Variants in ZNF385D observed in about 807,000 individuals in gnomAD.
ZNF385D encodes zinc finger protein 385D.
ZNF385D carries 15 observed loss-of-function variants against 35.8 expected under a neutral mutation model. The ratio of observed to expected loss-of-function variants is 0.42; its 90% confidence interval spans 0.28 to 0.64. ZNF385D has a LOEUF of 0.64. Ranked by LOEUF, ZNF385D falls within the 30% of genes least tolerant of loss-of-function variation. The pLI, the probability that ZNF385D is intolerant of heterozygous loss-of-function variation, is 0.23. For missense variants in ZNF385D, 474 were observed against 494.6 expected (o/e 0.96, Z 0.39); for synonymous variants, 212 against 186.8 (o/e 1.13, Z -1.10).
intron 2 of ZNF385D, among the ~76,000 whole-genome samples, chr3:22,178,897 A>G (rs1695023465): frequency 1.3e-5 from 2 of 152,044 alleles, no homozygotes; most frequent in African/African-American, 4.8e-5. Flanking sequence ...ATAGTTGTAG[A>G]TATGTGGCAT....
At chr3:21,778,925 T>TG (rs1462142285) in intron 3 of ZNF385D, among the ~76,000 whole-genome samples, 1 of 151,974 alleles carries the variant, frequency 6.6e-6, no homozygotes, top group Non-Finnish European at 1.5e-5. Context: ...TTAATATCCC[T>TG]GCTTTTCTAA....
At chr3:21,648,318 G>T (rs192115226) in intron 2 of ZNF385D, among the ~76,000 whole-genome samples, 1 of 151,988 alleles carries the variant, frequency 6.6e-6, no homozygotes, top group Non-Finnish European at 1.5e-5. Flanking sequence ...CTTCCTCTTC[G>T]CCTTCTGCCA....
At chr3:21,439,828 G>A (rs1025822461) in intron 4 of ZNF385D, among the ~76,000 whole-genome samples, 2 of 151,950 alleles carry the variant, frequency 1.3e-5, no homozygotes, top group Non-Finnish European at 2.9e-5. Flanking sequence ...ATTTCTTAAG[G>A]CAAGTTCCTT....
intron 2 of ZNF385D, among the ~76,000 whole-genome samples, chr3:21,609,538 A>G (rs1025362855): frequency 4.6e-5 from 7 of 152,194 alleles, no homozygotes; most frequent in South Asian, 2.1e-4. Context: ...TATTTTGACT[A>G]CTTAACAAAC....
intron 2 of ZNF385D, among the ~76,000 whole-genome samples, chr3:22,317,091 A>T (rs1054624063): frequency 1.1e-4 from 16 of 151,946 alleles, no homozygotes; most frequent in African/African-American, 3.6e-4. Flanking sequence ...CAGCCTGACC[A>T]ACATGGAGAA....
intron 3 of ZNF385D, among the ~76,000 whole-genome samples, chr3:22,114,212 G>A (rs181251591): frequency 1.7e-3 from 262 of 151,924 alleles, no homozygotes; most frequent in African/African-American, 6.0e-3. Flanking sequence ...CTTACTTCTC[G>A]CTGTTAAACA....
intron 3 of ZNF385D, among the ~76,000 whole-genome samples, chr3:22,144,349 A>C (rs570260078): frequency 7.2e-5 from 11 of 152,190 alleles, no homozygotes; most frequent in South Asian, 2.1e-4. Context: ...CAAGGGTGGC[A>C]GATCACTTGA....
At chr3:21,468,201 G>T (rs1169481338) in intron 4 of ZNF385D, among the ~76,000 whole-genome samples, 3 of 151,710 alleles carry the variant, frequency 2.0e-5, no homozygotes, top group Admixed American at 1.3e-4. Flanking sequence ...TCAGAAGTTT[G>T]AGATGAGCCT....
At chr3:22,219,947 G>T (rs1030119753) in intron 2 of ZNF385D, among the ~76,000 whole-genome samples, 1 of 151,824 alleles carries the variant, frequency 6.6e-6, no homozygotes, top group African/African-American at 2.4e-5. Flanking sequence ...TCAACAAAAT[G>T]GGTTCATTTT....
At chr3:21,802,458 G>C (rs1293127968) in intron 3 of ZNF385D, among the ~76,000 whole-genome samples, 2 of 152,130 alleles carry the variant, frequency 1.3e-5, no homozygotes, top group Non-Finnish European at 2.9e-5. Flanking sequence ...AAAGCACTGT[G>C]TAAGTAACAG....
At chr3:22,015,080 G>T (rs1696802955) in intron 3 of ZNF385D, among the ~76,000 whole-genome samples, 1 of 152,034 alleles carries the variant, frequency 6.6e-6, no homozygotes, top group South Asian at 2.1e-4. Flanking sequence ...GTGGCCATAG[G>T]ATGGGACTCC....
At chr3:21,426,340 A>G (rs1701025575) in intron 5 of ZNF385D, among the ~76,000 whole-genome samples, 1 of 152,188 alleles carries the variant, frequency 6.6e-6, no homozygotes, top group Admixed American at 6.5e-5. Flanking sequence ...TAACCCAAGC[A>G]TATACACGAT....
intron 3 of ZNF385D, among the ~76,000 whole-genome samples, chr3:21,838,666 A>G (rs1179958389): frequency 2.6e-5 from 4 of 152,086 alleles, no homozygotes; most frequent in Admixed American, 2.0e-4. Flanking sequence ...TTATCCATCT[A>G]TGATGCTCAA....
Position 21,421,037 on chromosome 3 carries a change from C to CT in ZNF385D, c.*176dup. 3 of 269,182 alleles carry CT rather than the reference C, an allele frequency of 1.1e-5. No individual in the cohort carries two copies. The highest frequency in any genetic ancestry group is 2.3e-5 in the Non-Finnish European group (3 of 132,406). The allele number at this position is 269,182 out of a possible 1,614,324, so 16.7% of individuals were successfully genotyped here. A position where few individuals can be genotyped will look rare whatever the true frequency, so the allele number is the denominator to read the frequency against. On this transcript the variant is annotated 3_prime_UTR_variant, in exon 8 of 8. Coordinates refer to ENST00000281523, the MANE Select transcript of ZNF385D (RefSeq NM_024697.3). ...TTTAATTTGGAGAAAATACCACTCC[C>CT]TCCCTCCCACCCCCAAACCTCCCCC...
chr3:21,446,595 G>A (rs1702167709), intron 4 of ZNF385D, among the ~76,000 whole-genome samples: 2 of 143,264 alleles, frequency 1.4e-5, no homozygotes, highest in African/African-American at 2.6e-5. Context: ...CTGGATTCAA[G>A]TGATTCTTCT....
intron 3 of ZNF385D, among the ~76,000 whole-genome samples, chr3:21,868,849 G>T (rs1390501509): frequency 1.3e-5 from 2 of 152,026 alleles, no homozygotes; most frequent in African/African-American, 4.8e-5. Flanking sequence ...ATTGCATTGT[G>T]GACATGTTAT....
chr3:22,344,704 G>C (rs566208300), intron 2 of ZNF385D, among the ~76,000 whole-genome samples: 1 of 152,178 alleles, frequency 6.6e-6, no homozygotes, highest in Non-Finnish European at 1.5e-5. Flanking sequence ...CTACAGGCAT[G>C]AGCCACTGCA....
At chr3:21,475,719 T>C (rs1216303893) in intron 4 of ZNF385D, among the ~76,000 whole-genome samples, 1 of 152,062 alleles carries the variant, frequency 6.6e-6, no homozygotes, top group Non-Finnish European at 1.5e-5. Context: ...TCTTTCAGTC[T>C]CCCAAGAAAA....
chr3:21,996,411 T>A (rs766760785), intron 3 of ZNF385D, among the ~76,000 whole-genome samples: 12 of 152,154 alleles, frequency 7.9e-5, no homozygotes, highest in Non-Finnish European at 1.6e-4. Flanking sequence ...TCCCTGTCAC[T>A]CCTCGGCTAA....
Sources: allele counts gnomAD v4.1 joint callset (sites outside exome capture counted in the v4.1 genomes callset), GRCh38; gene constraint gnomAD v4.1.1; transcripts MANE v1.5; gene names NCBI Gene and HGNC (gene_info 2026-07-23, HGNC 2026-07-21).